The following ALK variants were observed in gnomAD, a reference collection of about 807,000 sequenced individuals.
ALK encodes ALK receptor tyrosine kinase, also known as ALK tyrosine kinase receptor.
Under a neutral mutation model 163.1 loss-of-function variants are expected in ALK, and 74 were observed. The observed-to-expected ratio is 0.45, with a 90% CI of 0.38 to 0.55. ALK has a LOEUF of 0.55. Among genes scored for constraint, ALK ranks in the 20% least tolerant of loss-of-function variants. The pLI is 0.00. For synonymous variants in ALK, 960 were observed against 843.2 expected (o/e 1.14, Z -2.40); for missense variants, 2,063 against 2,105.3 (o/e 0.98, Z 0.39).
intron 1 of ALK, among the ~76,000 whole-genome samples, chr2:29,831,322 A>AGAAGAAGAAGAAGAAGAAGAAT (rs1325294044): frequency 6.8e-6 from 1 of 148,140 alleles, no homozygotes; most frequent in African/African-American, 2.5e-5. Flanking sequence ...AAGAAGAAGA[A>AGAAGAAGAAGAAGAAGAAGAAT]ATGTAGAGTT....
chr2:29,576,803 T>A (rs1369563288), intron 3 of ALK, among the ~76,000 whole-genome samples: 1 of 151,906 alleles, frequency 6.6e-6, no homozygotes, highest in East Asian at 1.9e-4. Flanking sequence ...ATTCGGGGGA[T>A]CTAGGTTGCA....
intron 3 of ALK, among the ~76,000 whole-genome samples, chr2:29,603,566 C>T (rs991968105): frequency 3.3e-5 from 5 of 152,054 alleles, no homozygotes; most frequent in African/African-American, 4.8e-5. Flanking sequence ...GACTGACCCC[C>T]TCCTTCCCAT....
intron 3 of ALK, among the ~76,000 whole-genome samples, chr2:29,625,977 A>G (rs1676183160): frequency 6.6e-6 from 1 of 152,222 alleles, no homozygotes. Flanking sequence ...CTTAAAACAT[A>G]GGTTTACCAA....
intron 1 of ALK, among the ~76,000 whole-genome samples, chr2:29,750,226 T>G (rs1261682967): frequency 6.6e-6 from 1 of 152,214 alleles, no homozygotes; most frequent in Non-Finnish European, 1.5e-5. Flanking sequence ...ACCTAGATGG[T>G]AGCCTACTAT....
chr2:29,840,033 T>A (rs1215926146), intron 1 of ALK, among the ~76,000 whole-genome samples: 4 of 152,220 alleles, frequency 2.6e-5, no homozygotes. Context: ...GCTAGTCTAC[T>A]TAGCAAATCT....
At chr2:29,585,590 G>A (rs369128360) in intron 3 of ALK, among the ~76,000 whole-genome samples, 12 of 152,136 alleles carry the variant, frequency 7.9e-5, no homozygotes, top group Admixed American at 4.6e-4. Context: ...GGCCTCCCAA[G>A]GTGCTGAGAT....
intron 1 of ALK, among the ~76,000 whole-genome samples, chr2:29,728,603 C>T (rs1269710538): frequency 2.0e-5 from 3 of 152,180 alleles, no homozygotes; most frequent in East Asian, 3.8e-4. Context: ...TTACGAGAGG[C>T]AGGGGAAGAT....
intron 1 of ALK, among the ~76,000 whole-genome samples, chr2:29,781,607 G>C (rs756658971): frequency 1.3e-5 from 2 of 152,216 alleles, no homozygotes; most frequent in Non-Finnish European, 2.9e-5. Flanking sequence ...AAATGACACT[G>C]CATGCCTATG....
chr2:29,696,188 G>A (rs1351744806), intron 2 of ALK, among the ~76,000 whole-genome samples: 1 of 152,154 alleles, frequency 6.6e-6, no homozygotes, highest in Non-Finnish European at 1.5e-5. Context: ...TGTACACCAT[G>A]GAATATTATG....
At chr2:29,630,569 T>C (rs370152316) in intron 3 of ALK, among the ~76,000 whole-genome samples, 2 of 152,046 alleles carry the variant, frequency 1.3e-5, no homozygotes, top group African/African-American at 4.8e-5. Flanking sequence ...AGTACCTGAG[T>C]GTATTAGGTA....
Position 29,857,209 on chromosome 2 carries a change from A to G in ALK, c.667+62784T>C, listed in dbSNP as rs921286672. Reference sequence around the variant, plus strand: ...GTATAAAATTGGGAGGTTGATGGGAAGGAATCTTAAGATCCTACAAGACTA... The same window carrying G: ...GTATAAAATTGGGAGGTTGATGGGAGGGAATCTTAAGATCCTACAAGACTA... On this transcript the variant is annotated intron_variant, in intron 1 of 28. Coordinates refer to ENST00000389048, the MANE Select transcript of ALK (RefSeq NM_004304.5). Among the ~76,000 whole-genome samples the G allele has an allele frequency of 3.3e-5, 5 of 152,202 alleles. 1 individual carries two copies. Among genetic ancestry groups the G allele is most frequent in the African/African-American group, 1.2e-4 (5 of 41,464 alleles).
At chr2:29,328,250 C>G (rs1667333006) in intron 6 of ALK, 100 bp downstream of exon 6, 1 of 1,563,480 alleles carries the variant, frequency 6.4e-7, no homozygotes, top group Non-Finnish European at 8.8e-7. Context: ...CAGTGGATAT[C>G]AGGAAGGCTG....
At chr2:29,198,814 C>CA (rs1669087093) in intron 26 of ALK, among the ~76,000 whole-genome samples, 1 of 152,044 alleles carries the variant, frequency 6.6e-6, no homozygotes, top group African/African-American at 2.4e-5. Flanking sequence ...ATTCATTTCA[C>CA]TTTTTTTTCC....
chr2:29,626,578 A>G (rs1573509698), intron 3 of ALK, among the ~76,000 whole-genome samples: 2 of 152,168 alleles, frequency 1.3e-5, no homozygotes, highest in East Asian at 3.9e-4. Context: ...ATGAGAATAG[A>G]CTAAAACAGT....
rs58587837 is a variant in ALK at position 29,523,858 on chromosome 2, GTTTTTTTTTTTTTTTTTTT to G, written c.1154+8038_1154+8056del. On this transcript the variant is annotated intron_variant, in intron 4 of 28. Coordinates refer to ENST00000389048, the MANE Select transcript of ALK (RefSeq NM_004304.5). ...AGGTCAGAACTGGCAGAAGCTGAAG[GTTTTTTTTTTTTTTTTTTT>G]TTTTTTTTTTTTTTATGCCCATCAA... Among the ~76,000 whole-genome samples, 11 of 110,952 alleles carry G rather than the reference GTTTTTTTTTTTTTTTTTTT, an allele frequency of 9.9e-5. No homozygotes were observed. In the East Asian group the frequency reaches 2.4e-3, roughly 24 times the overall value. 72.8% of individuals were successfully genotyped at this position (110,952 alleles called of 152,430 possible).
chr2:29,919,979 C>T lies in ALK; in HGVS notation c.667+14G>A, dbSNP rs781586901. ...AACACTAAATCCCGGCACACTCAGG[C>T]GGGAGCTGCTCACCAGTCCCGAAGA... On this transcript the variant is annotated intron_variant, in intron 1 of 28. Transcript: ENST00000389048. 6.2e-6 allele frequency: 10 copies of T among 1,612,326 alleles called. No individual in the cohort carries two copies. In the South Asian group the frequency reaches 9.9e-5, roughly 16 times the overall value.
chr2:29,920,370 G>C lies in ALK; in HGVS notation c.290C>G (p.Pro97Arg), dbSNP rs765290844. 5.8e-6 allele frequency: 9 copies of C among 1,557,912 alleles called. No individual in the cohort carries two copies. Among genetic ancestry groups the C allele is most frequent in the Non-Finnish European group, 7.8e-6 (9 of 1,152,094 alleles). The change falls in exon 1 of 29, where the codon CCG (proline) becomes CGG (arginine). Residue 97 changes from proline to arginine, a missense_variant. Transcript: ENST00000389048. ...CGCCGGCCCCAGCAACCTGAGCAGCGGGGCGCAGTCCAGAGCTAGCGAGCC... is the reference window on the plus strand; with the variant it reads ...CGCCGGCCCCAGCAACCTGAGCAGCCGGGCGCAGTCCAGAGCTAGCGAGCC... ...ARGSLALDCA[P>R]LLRLLGPAPG... is the part of the protein sequence containing the mutation.
intron 1 of ALK, among the ~76,000 whole-genome samples, chr2:29,874,493 A>C (rs1195859640): frequency 6.6e-6 from 1 of 152,188 alleles, no homozygotes; most frequent in African/African-American, 2.4e-5. Flanking sequence ...ACCCTTACCT[A>C]AAGCAGTTAC....
chr2:29,389,788 A>C (rs1464664517), intron 4 of ALK, among the ~76,000 whole-genome samples: 2 of 152,192 alleles, frequency 1.3e-5, no homozygotes, highest in Non-Finnish European at 2.9e-5. Flanking sequence ...AGAAATGCAA[A>C]GACTGGGGAA....
Sources: gnomAD v4.1 joint callset for allele counts (sites outside exome capture counted in the v4.1 genomes callset) on GRCh38, gnomAD v4.1.1 for gene constraint, MANE v1.5 for transcripts, NCBI Gene and HGNC (gene_info 2026-07-23, HGNC 2026-07-21) for gene names.